NCOA2: variants seen among roughly 807,000 people sequenced by gnomAD.
NCOA2 encodes nuclear receptor coactivator 2, also known as class E basic helix-loop-helix protein 75.
NCOA2 carries 21 observed loss-of-function variants against 145.1 expected under a neutral mutation model. That is an observed-to-expected ratio of 0.14 (90% CI 0.10 to 0.21). The LOEUF is 0.21. Ranked by LOEUF, NCOA2 falls within the 10% of genes least tolerant of loss-of-function variation. The probability of loss-of-function intolerance (pLI) is 1.00; values close to 1 mark genes in which losing one functional copy is unlikely to be tolerated. For missense variants in NCOA2, 1,472 were observed against 1,837.6 expected, an observed-to-expected ratio of 0.80 and a Z score of 3.64; for synonymous variants, 619 against 637.5, an observed-to-expected ratio of 0.97 and a Z score of 0.44.
At chr8:70,436,996 T>A in the NCOA2 span, among the ~76,000 whole-genome samples, 1 of 152,224 alleles carries the variant, frequency 6.6e-6, no homozygotes, top group Non-Finnish European at 1.5e-5. Flanking sequence ...TGAAATTCCA[T>A]TCATTTACAA....
chr8:70,249,977 A>AAAAAAAAAAAAAAAAAG (rs751876043), intron 2 of NCOA2, among the ~76,000 whole-genome samples: 1 of 137,918 alleles, frequency 7.3e-6, no homozygotes, highest in Non-Finnish European at 1.6e-5. Flanking sequence ...AAAAAAAAAA[A>AAAAAAAAAAAAAAAAAG]AAGAAGAAGA....
At chr8:70,188,442 T>A (rs2133183563) in intron 4 of NCOA2, among the ~76,000 whole-genome samples, 1 of 152,326 alleles carries the variant, frequency 6.6e-6, no homozygotes, top group Non-Finnish European at 1.5e-5. Flanking sequence ...CAATAAATAA[T>A]CACTTGCAAA....
rs79377962 is a variant in NCOA2 at position 70,177,541 on chromosome 8, C to A, written c.260-2682G>T. Among the ~76,000 whole-genome samples the A allele has an allele frequency of 6.0e-3, 911 of 152,276 alleles. 8 individuals carry two copies. Among genetic ancestry groups the A allele is most frequent in the African/African-American group, 0.02 (849 of 41,542 alleles). Reference sequence around the variant, plus strand: ...AAAGTAATTTTCCCCTTTTGCCTCACAGGACCTCCAGGGTAGAGGAGGAAG... The same window carrying A: ...AAAGTAATTTTCCCCTTTTGCCTCAAAGGACCTCCAGGGTAGAGGAGGAAG... On this transcript the variant is annotated intron_variant, in intron 4 of 22. Coordinates refer to ENST00000452400, the MANE Select transcript of NCOA2 (RefSeq NM_006540.4).
At chr8:70,433,691 G>A in the NCOA2 span, among the ~76,000 whole-genome samples, 8 of 152,228 alleles carry the variant, frequency 5.3e-5, no homozygotes, top group Non-Finnish European at 8.8e-5. Context: ...CTAGAAAGGA[G>A]AGTAAAGATC....
intron 20 of NCOA2, 102 bp downstream of exon 20, chr8:70,124,586 G>T: frequency 1.6e-6 from 2 of 1,215,644 alleles, no homozygotes; most frequent in Non-Finnish European, 2.2e-6. Flanking sequence ...CACTACGTTT[G>T]ATAAAAACAA....
intron 12 of NCOA2, 28 bp downstream of exon 12, chr8:70,148,245 G>T (rs1332360933): frequency 6.3e-7 from 1 of 1,598,576 alleles, no homozygotes; most frequent in South Asian, 1.1e-5. Context: ...GAAATTTCTT[G>T]GCATAACCAG....
chr8:70,384,791 C>A (rs1168671358), intron 1 of NCOA2, among the ~76,000 whole-genome samples: 1 of 152,152 alleles, frequency 6.6e-6, no homozygotes, highest in Non-Finnish European at 1.5e-5. Flanking sequence ...CTTCAACCAC[C>A]ATGAAACCAC....
chr8:70,291,771 T>C (rs1344132114), intron 2 of NCOA2, among the ~76,000 whole-genome samples: 1 of 152,172 alleles, frequency 6.6e-6, no homozygotes, highest in Non-Finnish European at 1.5e-5. Flanking sequence ...TGCTACTGCT[T>C]TAACCTCGAT....
intron 7 of NCOA2, 96 bp downstream of exon 7, chr8:70,166,470 T>C: frequency 7.3e-7 from 1 of 1,366,026 alleles, no homozygotes; most frequent in Admixed American, 1.9e-5. Flanking sequence ...TACTGCCTCC[T>C]CACTTTTCTT....
At chr8:70,403,372 C>T (rs1814560983) in intron 1 of NCOA2, among the ~76,000 whole-genome samples, 1 of 151,224 alleles carries the variant, frequency 6.6e-6, no homozygotes, top group Non-Finnish European at 1.5e-5. Flanking sequence ...CCGCCCGCCT[C>T]GCGCTCCGGG....
intron 1 of NCOA2, 79 bp downstream of exon 1, chr8:70,403,621 C>CGGGGGGTGGGGACGCGGCCG (rs202061918): frequency 5.9e-6 from 2 of 336,670 alleles, no homozygotes; most frequent in Non-Finnish European, 1.1e-5. Context: ...CAGTCGCGGC[C>CGGGGGGTGGGGACGCGGCCG]GGGGGTGGGG....
At chr8:70,300,425 G>A (rs1361759051) in intron 1 of NCOA2, among the ~76,000 whole-genome samples, 2 of 152,206 alleles carry the variant, frequency 1.3e-5, no homozygotes, top group Non-Finnish European at 2.9e-5. Flanking sequence ...TTCCGCGTGA[G>A]TAGGGATCTA....
At chr8:70,433,103 T>C in the NCOA2 span, among the ~76,000 whole-genome samples, 1 of 152,326 alleles carries the variant, frequency 6.6e-6, no homozygotes, top group East Asian at 1.9e-4. Flanking sequence ...AATAAGTAAG[T>C]CAGTAAATTG....
intron 1 of NCOA2, among the ~76,000 whole-genome samples, chr8:70,399,469 C>T (rs1038660023): frequency 6.6e-6 from 1 of 152,146 alleles, no homozygotes; most frequent in African/African-American, 2.4e-5. Context: ...GGAAAAAGAT[C>T]CTGATTTGTT....
At chr8:70,423,098 T>C in the NCOA2 span, among the ~76,000 whole-genome samples, 1 of 151,886 alleles carries the variant, frequency 6.6e-6, no homozygotes. Context: ...TGTGTTTTCA[T>C]CTCCACTATA....
the NCOA2 span, among the ~76,000 whole-genome samples, chr8:70,428,712 G>C: frequency 1.3e-5 from 2 of 152,142 alleles, no homozygotes; most frequent in African/African-American, 4.8e-5. Flanking sequence ...ATTTCCAGCT[G>C]TTCTACTGTC....
At chr8:70,314,210 C>CAAAAAAAAAAAAAAAAAAAAAAA (rs1805390436) in intron 1 of NCOA2, among the ~76,000 whole-genome samples, 1 of 80,798 alleles carries the variant, frequency 1.2e-5, no homozygotes, top group African/African-American at 4.9e-5. Flanking sequence ...AAAAAAAAAG[C>CAAAAAAAAAAAAAAAAAAAAAAA]AACTGTCATG....
At chr8:70,209,755 C>T (rs188236189) in intron 4 of NCOA2, among the ~76,000 whole-genome samples, 30 of 152,258 alleles carry the variant, frequency 2.0e-4, no homozygotes, top group Admixed American at 1.4e-3. Context: ...TACCATTGTA[C>T]GCTTAATAGA....
chr8:70,216,567 G>T (rs183249468), intron 3 of NCOA2, 93 bp downstream of exon 3: 1 of 1,021,266 alleles, frequency 9.8e-7, no homozygotes, highest in East Asian at 2.4e-5. Flanking sequence ...CTCAATATTT[G>T]AATCAGCAGT....
Sources: gnomAD v4.1 joint callset for allele counts (sites outside exome capture counted in the v4.1 genomes callset) on GRCh38, gnomAD v4.1.1 for gene constraint, MANE v1.5 for transcripts, NCBI Gene and HGNC (gene_info 2026-07-23, HGNC 2026-07-21) for gene names.